Variants in CELF2 observed in about 807,000 individuals in gnomAD.
The protein encoded by CELF2 is CUG triplet repeat RNA-binding protein 2.
In CELF2, 8 loss-of-function variants were observed where a neutral mutation model predicts 62.6. That is an observed-to-expected ratio of 0.13 (90% confidence interval 0.07 to 0.23). The LOEUF is 0.23. Among genes scored for constraint, CELF2 ranks in the 10% least tolerant of loss-of-function variants. The probability of loss-of-function intolerance (pLI) is 1.00; values close to 1 mark genes in which losing one functional copy is unlikely to be tolerated. For synonymous variants in CELF2, 258 were observed against 250.0 expected (o/e 1.03, Z -0.30); for missense variants, 333 against 671.0 (o/e 0.50, Z 5.56).
At chr10:10,466,648 A>G in the CELF2 span, among the ~76,000 whole-genome samples, 11 of 152,264 alleles carry the variant, frequency 7.2e-5, no homozygotes, top group African/African-American at 2.6e-4. Context: ...AGTGGCTGTA[A>G]CATTTGATAC....
At chr10:11,150,877 A>G (rs2063207282) in intron 1 of CELF2, among the ~76,000 whole-genome samples, 2 of 152,240 alleles carry the variant, frequency 1.3e-5, no homozygotes, top group South Asian at 4.1e-4. Flanking sequence ...GAAGAACTAC[A>G]GTTAGATGCT....
the CELF2 span, among the ~76,000 whole-genome samples, chr10:10,678,681 C>G: frequency 6.6e-6 from 1 of 152,172 alleles, no homozygotes; most frequent in African/African-American, 2.4e-5. Context: ...TTGAATTTTG[C>G]TTGTGATCAA....
chr10:11,048,021 C>T (rs2063174240), intron 1 of CELF2, among the ~76,000 whole-genome samples: 1 of 152,124 alleles, frequency 6.6e-6, no homozygotes, highest in African/African-American at 2.4e-5. Flanking sequence ...GCCCTCTCTC[C>T]AAATGTAAGA....
chr10:10,639,383 T>C, the CELF2 span, among the ~76,000 whole-genome samples: 2 of 152,256 alleles, frequency 1.3e-5, no homozygotes, highest in Non-Finnish European at 2.9e-5. Context: ...GGTTGCAATT[T>C]GCAGGACTTA....
At chr10:11,003,507 T>A (rs1592948010), upstream of CELF2, among the ~76,000 whole-genome samples, 2 of 152,324 alleles carry the variant, frequency 1.3e-5, no homozygotes, top group South Asian at 2.1e-4. This position sits in a 1 kb window ranked among gnomAD's most constrained non-coding sequence, Gnocchi z 4.4. Flanking sequence ...ATCCCATTTT[T>A]AATAATATTT....
intron 1 of CELF2, among the ~76,000 whole-genome samples, chr10:11,037,262 C>G (rs1403493057): frequency 6.6e-6 from 1 of 152,204 alleles, no homozygotes; most frequent in Non-Finnish European, 1.5e-5. Flanking sequence ...CATCAGCTCT[C>G]CTGAGACTTA....
the CELF2 span, among the ~76,000 whole-genome samples, chr10:10,681,059 G>T: frequency 3.3e-5 from 5 of 151,890 alleles, no homozygotes; most frequent in Non-Finnish European, 5.9e-5. Context: ...ATTCTGTATT[G>T]AATTAATGAT....
intron 2 of CELF2, among the ~76,000 whole-genome samples, chr10:11,202,445 A>G (rs1460924072): frequency 1.3e-5 from 2 of 152,200 alleles, no homozygotes; most frequent in African/African-American, 4.8e-5. Flanking sequence ...TATGTGGAGT[A>G]TCTGTGGGGT....
chr10:10,602,733 G>A, the CELF2 span, among the ~76,000 whole-genome samples: 2 of 151,988 alleles, frequency 1.3e-5, no homozygotes, highest in Non-Finnish European at 2.9e-5. Flanking sequence ...AAGACTTGAT[G>A]AGCATACATG....
chr10:10,994,266 G>C (rs900029362), intron 2 of CELF2, among the ~76,000 whole-genome samples: 2 of 152,082 alleles, frequency 1.3e-5, no homozygotes, highest in Admixed American at 1.3e-4. Flanking sequence ...TTTTTATATT[G>C]TGCAAGTGCT....
chr10:10,748,607 C>G, the CELF2 span, among the ~76,000 whole-genome samples: 1 of 151,630 alleles, frequency 6.6e-6, no homozygotes, highest in Non-Finnish European at 1.5e-5. Flanking sequence ...AAGTAGCCGG[C>G]CATGGTCATG....
At chr10:10,628,393 A>G in the CELF2 span, among the ~76,000 whole-genome samples, 1 of 152,168 alleles carries the variant, frequency 6.6e-6, no homozygotes, top group African/African-American at 2.4e-5. Context: ...CACCTACCAT[A>G]TGCCAACCAT....
intron 1 of CELF2, among the ~76,000 whole-genome samples, chr10:11,082,472 C>G (rs547968532): frequency 2.6e-5 from 4 of 152,304 alleles, no homozygotes; most frequent in African/African-American, 7.2e-5. Context: ...CTAGGTGGCC[C>G]TGCAGGGCAG....
At chr10:10,924,599 T>C (rs1295539050) in intron 2 of CELF2, among the ~76,000 whole-genome samples, 2 of 152,134 alleles carry the variant, frequency 1.3e-5, no homozygotes, top group Middle Eastern at 3.2e-3. Flanking sequence ...ATTCGGTATA[T>C]AAATCAGATG....
upstream of CELF2, chr10:10,798,500 T>C (rs911043330): frequency 2.8e-6 from 1 of 359,170 alleles, no homozygotes; most frequent in Non-Finnish European, 5.0e-6. Context: ...TAAAGTGGGC[T>C]ACAAAAAGGT....
intron 1 of CELF2, among the ~76,000 whole-genome samples, chr10:11,118,893 C>T (rs1019312720): frequency 5.3e-5 from 8 of 152,174 alleles, no homozygotes; most frequent in African/African-American, 9.7e-5. Context: ...TATGACCTTT[C>T]GCAAGTCACT....
At chr10:11,147,888 A>G (rs1280874384) in intron 1 of CELF2, among the ~76,000 whole-genome samples, 3 of 152,260 alleles carry the variant, frequency 2.0e-5, no homozygotes, top group Non-Finnish European at 2.9e-5. Context: ...GGGCTCACAC[A>G]CAAGGCAAGA....
At chr10:10,772,463 G>A in the CELF2 span, among the ~76,000 whole-genome samples, 1 of 152,202 alleles carries the variant, frequency 6.6e-6, no homozygotes, top group Non-Finnish European at 1.5e-5. Flanking sequence ...TAAATGCTGT[G>A]TCTTCTACCT....
intron 2 of CELF2, among the ~76,000 whole-genome samples, chr10:10,924,281 C>A (rs867892837): frequency 0.19 from 8,409 of 45,138 alleles, 1,391 homozygotes; most frequent in South Asian, 0.28. Flanking sequence ...GACTCCGTCC[C>A]AAAAAAAAAA....
Sources: allele counts gnomAD v4.1 joint callset (sites outside exome capture counted in the v4.1 genomes callset), GRCh38; gene constraint gnomAD v4.1.1; non-coding constraint Gnocchi (gnomAD v3.1); transcripts MANE v1.5; gene names NCBI Gene and HGNC (gene_info 2026-07-23, HGNC 2026-07-21).